The following TRPM2 variants were observed in gnomAD, a reference collection of about 807,000 sequenced individuals.
TRPM2 encodes transient receptor potential cation channel subfamily M member 2.
A neutral mutation model predicts 174.0 loss-of-function variants in TRPM2; 161 were observed. That is an observed-to-expected ratio of 0.93 (90% CI 0.81 to 1.05). TRPM2 has a LOEUF of 1.05. Among genes scored for constraint, TRPM2 ranks in the 50% least tolerant of loss-of-function variants. The pLI, the probability that TRPM2 is intolerant of heterozygous loss-of-function variation, is 0.00. For missense variants in TRPM2, 2,057 were observed against 2,038.0 expected (o/e 1.01, Z -0.18); for synonymous variants, 954 against 861.3 (o/e 1.11, Z -1.88).
chr21:44,424,989 T>C (rs1601233532), intron 24 of TRPM2, 50 bp downstream of exon 24: 1 of 1,519,266 alleles, frequency 6.6e-7, no homozygotes, highest in Middle Eastern at 2.2e-4. Context: ...CTGTTTCTTT[T>C]GGGTCTGGGG....
Position 44,399,770 on chromosome 21 carries a change from G to T in TRPM2, c.2208+329G>T, listed in dbSNP as rs376604777. On this transcript the variant is annotated intron_variant, in intron 14 of 31. Transcript: ENST00000397928. The surrounding 1 kb of genome is among the most constrained non-coding windows in gnomAD (Gnocchi z 4.6). ...CTGCCCTCTCTCCCTGGAGGGATAA[G>T]CGGGACACGGCGTGTCCTCCCTGGA... 1.4e-3 allele frequency among the ~76,000 whole-genome samples: 208 copies of T among 152,302 alleles called. 2 individuals are homozygous for T. Among genetic ancestry groups the T allele is most frequent in the Middle Eastern group, 0.01 (3 of 294 alleles).
In TRPM2 at chr21:44,418,046, A is replaced by G. The variant is rs761411250; in HGVS notation, c.3266A>G (p.His1089Arg). ...AAPPPFILLS[H>R]LQLFIKRVVL... ...CCGCCCCCCTTCATCCTCCTCAGCC[A>G]CCTGCAGCTCTTCATCAAGAGGGTG... is the stretch of plus-strand genomic sequence containing the variant. The change falls in exon 21 of 32, where the codon CAC (histidine) becomes CGC (arginine). Residue 1089 changes from histidine to arginine, a missense_variant. By Grantham distance (29) the His-to-Arg change is conservative. Transcript: ENST00000397928. 8 of 1,613,098 alleles carry G rather than the reference A, an allele frequency of 5.0e-6. No individual in the cohort carries two copies. In the Admixed American group the frequency reaches 1.0e-4, roughly 20 times the overall value.
At chr21:44,397,290 G>A (rs1430230444) in intron 12 of TRPM2, among the ~76,000 whole-genome samples, 1 of 152,098 alleles carries the variant, frequency 6.6e-6, no homozygotes, top group East Asian at 1.9e-4. Flanking sequence ...GCCTGCCTCG[G>A]CCTTCCAAAG....
At chr21:44,422,820 G>A (rs112031402) in intron 22 of TRPM2, among the ~76,000 whole-genome samples, 3,968 of 34,000 alleles carry the variant, frequency 0.12, 2 homozygotes, top group Middle Eastern at 0.3. Flanking sequence ...GAAAAACAGC[G>A]CTGCTCCACA....
intron 27 of TRPM2, 78 bp from the exon 28 acceptor site, chr21:44,435,053 C>G (rs2051184522): frequency 1.4e-6 from 2 of 1,441,706 alleles, no homozygotes; most frequent in Non-Finnish European, 1.9e-6. Flanking sequence ...CCCGCTGTCC[C>G]CTCTCAGTCC....
chr21:44,404,052 TATAC>T (rs999277928), intron 16 of TRPM2, among the ~76,000 whole-genome samples: 10 of 150,898 alleles, frequency 6.6e-5, no homozygotes, highest in African/African-American at 2.0e-4. Flanking sequence ...CATATACACA[TATAC>T]ATACATATGC....
upstream of TRPM2, among the ~76,000 whole-genome samples, chr21:44,351,063 G>A (rs138648516): frequency 9.2e-5 from 14 of 152,336 alleles, no homozygotes; most frequent in Middle Eastern, 3.4e-3. Context: ...AGTGCAGGGC[G>A]CGCCTGTCCC....
At chr21:44,397,726 G>A (rs375966907) in intron 12 of TRPM2, 21 bp from the exon 13 acceptor site, 34 of 1,549,278 alleles carry the variant, frequency 2.2e-5, no homozygotes, top group Admixed American at 3.9e-5. Flanking sequence ...TTAGTCTCAC[G>A]GTGGCTCCTC....
chr21:44,362,454 G>A (rs914032841), intron 2 of TRPM2, among the ~76,000 whole-genome samples: 3 of 151,360 alleles, frequency 2.0e-5, no homozygotes, highest in Non-Finnish European at 4.4e-5. Flanking sequence ...GGAGCTTGCA[G>A]TGAGCAAAGA....
Position 44,414,015 on chromosome 21 carries a change from C to T in TRPM2, c.3087C>T (p.Leu1029=). The T allele has an allele frequency of 6.2e-7, 1 of 1,613,744 alleles. No homozygotes were observed. The change falls in exon 20 of 32, where the codon CTC becomes CTT. Residue 1029 remains leucine, a synonymous_variant. Transcript: ENST00000397928. ...CTGAGTGGCTGACGGTCCTCCTACTCTGCCTCTACCTGCTCTTCACCAACA... is the reference window on the plus strand; with the variant it reads ...CTGAGTGGCTGACGGTCCTCCTACTTTGCCTCTACCTGCTCTTCACCAACA... ...AFPEWLTVLL[L]CLYLLFTNIL...
rs1468455309 is a variant in TRPM2, at chr21:44,366,279, G to A, written c.424-475G>A. On this transcript the variant is annotated intron_variant, in intron 3 of 31. Transcript: ENST00000397928. This position sits in a 1 kb window ranked among gnomAD's most constrained non-coding sequence, Gnocchi z 6.0. ...GGCAGAGGGGACAGGAGAGGGGACA[G>A]GAGAGGGGACAGGAGAGGGGACAGG... 2.1e-5 allele frequency among the ~76,000 whole-genome samples: 3 copies of A among 142,764 alleles called. No homozygotes were observed. The highest frequency in any genetic ancestry group is 8.8e-5 in the African/African-American group (3 of 33,938). 93.7% of individuals were successfully genotyped at this position (142,764 alleles called of 152,430 possible).
At chr21:44,395,381 CG>C (rs768537938) in intron 11 of TRPM2, 32 bp from the exon 12 acceptor site, 1 of 1,608,272 alleles carries the variant, frequency 6.2e-7, no homozygotes, top group East Asian at 2.2e-5. Context: ...CCAGGCGGCC[CG>C]GCTGGGGCTC....
In TRPM2 at chr21:44,375,902, C is replaced by G. The variant is rs776831607; in HGVS notation, c.841C>G (p.His281Asp). The G allele has an allele frequency of 3.1e-6, 5 of 1,613,888 alleles. No individual in the cohort carries two copies. The Admixed American group carries it at 8.4e-5, about 27-fold the overall frequency. ...GAACCTGACCTGCCTAGACAGCAAC[C>G]ACTCTCACTTCATCCTCGTGGACGA... is the stretch of plus-strand genomic sequence containing the variant. ...QGNLTCLDSN[H>D]SHFILVDDGT... is the part of the protein sequence containing the mutation. Residue 281 changes from histidine to aspartate, a missense_variant, in exon 6 of 32, where the codon CAC (histidine) becomes GAC (aspartate). Coordinates refer to ENST00000397928, the MANE Select transcript of TRPM2 (RefSeq NM_003307.4).
At position 44,391,175 on chromosome 21, in the gene TRPM2, G is replaced by T; in HGVS notation, c.1441-97G>T. 6.5e-7 allele frequency: 1 copy of T among 1,533,376 alleles called. No individual in the cohort carries two copies. The allele number at this position is 1,533,376 out of a possible 1,614,324, so 95.0% of individuals were successfully genotyped here. On this transcript the variant is annotated intron_variant, in intron 10 of 31. Coordinates refer to ENST00000397928, the MANE Select transcript of TRPM2 (RefSeq NM_003307.4). This position sits in a 1 kb window ranked among gnomAD's most constrained non-coding sequence, Gnocchi z 5.0. The stretch of plus-strand genomic sequence containing the variant: ...GGGCAGCTTTCATCCTCCCCAGGTT[G>T]GGGACAACAGCAGCCCCCATCTCCA...
chr21:44,397,669 C>T, intron 12 of TRPM2, 78 bp from the exon 13 acceptor site: 1 of 1,463,822 alleles, frequency 6.8e-7, no homozygotes, highest in South Asian at 1.5e-5. Context: ...GTTTTCATCA[C>T]CTGGGGCAGT....
At chr21:44,421,289 G>A (rs1261433582) in intron 22 of TRPM2, among the ~76,000 whole-genome samples, 1 of 151,824 alleles carries the variant, frequency 6.6e-6, no homozygotes, top group African/African-American at 2.4e-5. Flanking sequence ...CTGCACTCCA[G>A]CCTGGGCGAC....
In TRPM2 at chr21:44,401,909, C is replaced by T. The variant is rs1432527568; in HGVS notation, c.2538+12C>T. Reference sequence around the variant, plus strand: ...AGGAGATGCGGCAGGTACAGCCCCACCCGCTTTTCCACGCCCCAGCCCGGG... The same window carrying T: ...AGGAGATGCGGCAGGTACAGCCCCATCCGCTTTTCCACGCCCCAGCCCGGG... On this transcript the variant is annotated intron_variant, in intron 16 of 31. Transcript: ENST00000397928. The T allele has an allele frequency of 6.8e-6, 11 of 1,613,336 alleles. No homozygotes were observed. The highest frequency in any genetic ancestry group is 9.3e-6 in the Non-Finnish European group (11 of 1,179,930).
chr21:44,412,715 A>G (rs1450509813), intron 19 of TRPM2, among the ~76,000 whole-genome samples: 1 of 151,828 alleles, frequency 6.6e-6, no homozygotes, highest in African/African-American at 2.4e-5. Flanking sequence ...TGTCCTTTCA[A>G]TCAAAGAGGT....
chr21:44,384,401 C>G (rs562124091), intron 9 of TRPM2, among the ~76,000 whole-genome samples: 39 of 152,296 alleles, frequency 2.6e-4, no homozygotes, highest in African/African-American at 9.4e-4. Flanking sequence ...CAAGGGCCTG[C>G]CTCATGTCAT....
Sources: allele counts gnomAD v4.1 joint callset (sites outside exome capture counted in the v4.1 genomes callset), GRCh38; gene constraint gnomAD v4.1.1; non-coding constraint Gnocchi (gnomAD v3.1); transcripts MANE v1.5; gene names NCBI Gene and HGNC (gene_info 2026-07-23, HGNC 2026-07-21).